GDAP2: variants seen among roughly 807,000 people sequenced by gnomAD.
GDAP2 encodes the protein ganglioside-induced differentiation-associated protein 2.
GDAP2 carries 51 observed loss-of-function variants against 67.0 expected under a neutral mutation model. That is an observed-to-expected ratio of 0.76 (90% CI 0.61 to 0.96). GDAP2 has a LOEUF of 0.96. Among genes scored for constraint, GDAP2 ranks in the 40% least tolerant of loss-of-function variants. GDAP2 has a pLI of 0.00. For synonymous variants in GDAP2, 203 were observed against 207.3 expected (o/e 0.98, Z 0.18); for missense variants, 547 against 588.3 (o/e 0.93, Z 0.73).
chr1:117,925,132 G>A (rs1650398977), intron 1 of GDAP2, among the ~76,000 whole-genome samples: 1 of 152,128 alleles, frequency 6.6e-6, no homozygotes, highest in Non-Finnish European at 1.5e-5. Flanking sequence ...CTGACTCTAA[G>A]TAATACATGC....
chr1:117,901,894 T>C (rs1649484195), intron 6 of GDAP2, among the ~76,000 whole-genome samples: 1 of 152,148 alleles, frequency 6.6e-6, no homozygotes, highest in African/African-American at 2.4e-5. Flanking sequence ...GTCTAAATCA[T>C]CCAGGGCCAG....
rs1457113585 is a variant in GDAP2 at position 117,909,884 on chromosome 1, CT to C, written c.559+2109del. ...ACTAAAAACCAGTCTTCTTAACCCCCTATTCAGAACCTTTTCTACAAAATAA... is the reference window on the plus strand; with the variant it reads ...ACTAAAAACCAGTCTTCTTAACCCCCATTCAGAACCTTTTCTACAAAATAA... On this transcript the variant is annotated intron_variant, in intron 5 of 13. Coordinates refer to ENST00000369443, the MANE Select transcript of GDAP2 (RefSeq NM_017686.4). Among the ~76,000 whole-genome samples the C allele has an allele frequency of 2.0e-5, 3 of 152,150 alleles. No individual in the cohort carries two copies. The East Asian group carries it at 5.8e-4, about 29-fold the overall frequency.
intron 3 of GDAP2, 83 bp downstream of exon 3, chr1:117,918,514 C>G (rs1448547127): frequency 1.0e-6 from 1 of 981,240 alleles, no homozygotes; most frequent in African/African-American, 1.7e-5. Context: ...ACAAAATTTT[C>G]CCACAAAACA....
Position 117,906,579 on chromosome 1 carries a change from G to A in GDAP2, c.563C>T (p.Thr188Ile). ...ATGAATCTCTAGGAATCTTCTTACA[G>A]TGCCTAAGGAAAAGAATAGAAAGAT... ...LEDATHIALR[T>I]VRRFLEIHGE... Residue 188 changes from threonine (T) to isoleucine (I), a missense_variant, in exon 6 of 14, where the codon ACT (threonine) becomes ATT (isoleucine). Physicochemically the swap from Thr to Ile is moderately conservative, Grantham distance 89 (BLOSUM62 -1). Coordinates refer to ENST00000369443, the MANE Select transcript of GDAP2 (RefSeq NM_017686.4). 1 of 1,495,900 alleles carries A rather than the reference G, an allele frequency of 6.7e-7. No individual in the cohort carries two copies. Among genetic ancestry groups the A allele is most frequent in the Non-Finnish European group, 9.2e-7 (1 of 1,081,304 alleles). 92.7% of individuals were successfully genotyped at this position (1,495,900 alleles called of 1,614,324 possible).
chr1:117,908,087 C>G (rs1649722497), intron 5 of GDAP2, among the ~76,000 whole-genome samples: 1 of 151,938 alleles, frequency 6.6e-6, no homozygotes, highest in African/African-American at 2.4e-5. Context: ...TAGAGTACCA[C>G]TCATCCACCA....
At position 117,865,564 on chromosome 1, in the gene GDAP2, T is replaced by C. The variant is rs1338873731; in HGVS notation, c.*5005A>G. On this transcript the variant is annotated 3_prime_UTR_variant, in exon 14 of 14. Transcript: ENST00000369443. ...AACAAAGTCCTGTCTCAGTCTGTGA[T>C]GACTGTGTGCTTACGTTAACGAAAC... The C allele has an allele frequency of 1.3e-5, 2 of 152,118 alleles. No homozygotes were observed. The highest frequency in any genetic ancestry group is 2.9e-5 in the Non-Finnish European group (2 of 68,016). The allele number at this position is 152,118 out of a possible 1,614,324, so 9.4% of individuals were successfully genotyped here.
chr1:117,926,645 A>G (rs1279599696), intron 1 of GDAP2, among the ~76,000 whole-genome samples: 6 of 152,186 alleles, frequency 3.9e-5, no homozygotes, highest in African/African-American at 1.4e-4. Context: ...TGGAGCCACA[A>G]ACCCAAGCTA....
At chr1:117,882,828 T>C (rs948461940) in intron 11 of GDAP2, 1 of 152,094 alleles carries the variant, frequency 6.6e-6, no homozygotes, top group Non-Finnish European at 1.5e-5. Flanking sequence ...GGCTTTTCAA[T>C]GCAATCCACA....
At chr1:117,891,676 C>T (rs1211461602) in intron 8 of GDAP2, among the ~76,000 whole-genome samples, 2 of 152,018 alleles carry the variant, frequency 1.3e-5, no homozygotes, top group Non-Finnish European at 2.9e-5. Flanking sequence ...GCCCCCATTC[C>T]GTAACTTGCT....
intron 10 of GDAP2, among the ~76,000 whole-genome samples, chr1:117,885,812 G>C (rs544718784): frequency 6.6e-6 from 1 of 152,004 alleles, no homozygotes; most frequent in East Asian, 1.9e-4. Context: ...ATCATCCTTT[G>C]AAGTCAGTTC....
chr1:117,912,211 G>C (rs1570989577), intron 4 of GDAP2, 129 bp from the exon 5 acceptor site: 1 of 665,826 alleles, frequency 1.5e-6, no homozygotes, highest in East Asian at 2.7e-5. Context: ...TACTATAATA[G>C]CTAACCCAAC....
Position 117,920,219 on chromosome 1 carries a change from GA to G in GDAP2, c.138del (p.Leu47PhefsTer20). 1 of 1,607,732 alleles carries G rather than the reference GA, an allele frequency of 6.2e-7. No individual in the cohort carries two copies. The highest frequency in any genetic ancestry group is 8.5e-7 in the Non-Finnish European group (1 of 1,175,566). ...IFQEDTVRSP[F>X]LYNKDVNGKV... ...TTTCCATTGACGTCCTTATTATAAA[GA>G]AAAGGTGATCGAACAGTGTCTTCCT... On this transcript the variant is annotated frameshift_variant, in exon 2 of 14. Transcript: ENST00000369443. LOFTEE classifies it high-confidence loss of function.
Position 117,868,658 on chromosome 1 carries a change from G to A in GDAP2, c.*1911C>T, listed in dbSNP as rs2101111765. 1 of 152,182 alleles carries A rather than the reference G, an allele frequency of 6.6e-6. No homozygotes were observed. Among genetic ancestry groups the A allele is most frequent in the East Asian group, 1.9e-4 (1 of 5,166 alleles). 9.4% of individuals were successfully genotyped at this position (152,182 alleles called of 1,614,324 possible). A position where few individuals can be genotyped will look rare whatever the true frequency, so the allele number is the denominator to read the frequency against. The stretch of plus-strand genomic sequence containing the variant: ...GCAGACTTTCATAGCTGCTCCTTGT[G>A]AAGAAGATACCTCAAATATGATCTC... On this transcript the variant is annotated 3_prime_UTR_variant, in exon 14 of 14. Coordinates refer to ENST00000369443, the MANE Select transcript of GDAP2 (RefSeq NM_017686.4).
chr1:117,894,488 GC>G (rs748015644), intron 8 of GDAP2, among the ~76,000 whole-genome samples: 3 of 152,302 alleles, frequency 2.0e-5, no homozygotes, highest in Non-Finnish European at 4.4e-5. Flanking sequence ...AAAAAGGCCA[GC>G]TGCATTTAAG....
chr1:117,872,457 T>C (rs1419229479), intron 13 of GDAP2, among the ~76,000 whole-genome samples: 1 of 152,106 alleles, frequency 6.6e-6, no homozygotes. Flanking sequence ...CCATCAATGA[T>C]AGACTAGATA....
rs749591117 is a variant in GDAP2, at chr1:117,887,794, A to C, written c.954-20T>G. On this transcript the variant is annotated intron_variant, in intron 8 of 13. Transcript: ENST00000369443. ...TTATAACTAGGGAAATAAATGATAT[A>C]ATCATTATAATAAACCCTTGGAAAT... 3 of 1,304,670 alleles carry C rather than the reference A, an allele frequency of 2.3e-6. No homozygotes were observed. Among genetic ancestry groups the C allele is most frequent in the Non-Finnish European group, 3.3e-6 (3 of 901,852 alleles). 80.8% of individuals were successfully genotyped at this position (1,304,670 alleles called of 1,614,324 possible).
rs1419170920 is a variant in GDAP2 at position 117,870,073 on chromosome 1, A to C, written c.*496T>G. The stretch of plus-strand genomic sequence containing the variant: ...CATTTCCACATTCTTGGACTCAGGT[A>C]ATTCTCTTTTAACACAGCCAAATTA... On this transcript the variant is annotated 3_prime_UTR_variant, in exon 14 of 14. Coordinates refer to ENST00000369443, the MANE Select transcript of GDAP2 (RefSeq NM_017686.4). The C allele has an allele frequency of 6.5e-6, 1 of 152,708 alleles. No homozygotes were observed. Among genetic ancestry groups the C allele is most frequent in the Admixed American group, 6.5e-5 (1 of 15,298 alleles). The allele number at this position is 152,708 out of a possible 1,614,324, so 9.5% of individuals were successfully genotyped here.
At chr1:117,904,153 ATTTT>A (rs200362282) in intron 6 of GDAP2, among the ~76,000 whole-genome samples, 2 of 151,106 alleles carry the variant, frequency 1.3e-5, no homozygotes, top group Non-Finnish European at 3.0e-5. Flanking sequence ...CATTCAGCTA[ATTTT>A]TTTTTATTTT....
At chr1:117,901,346 T>G (rs75694503) in intron 6 of GDAP2, among the ~76,000 whole-genome samples, 3,710 of 152,350 alleles carry the variant, frequency 0.024, 149 homozygotes, top group African/African-American at 0.083. Context: ...AGTTTTTGTG[T>G]GGACTTATGT....
Sources: gnomAD v4.1 joint callset for allele counts (sites outside exome capture counted in the v4.1 genomes callset) on GRCh38, gnomAD v4.1.1 for gene constraint, MANE v1.5 for transcripts, NCBI Gene and HGNC (gene_info 2026-07-23, HGNC 2026-07-21) for gene names.